TMEM255A: variants seen among roughly 807,000 people sequenced by gnomAD.
The protein encoded by TMEM255A is transmembrane protein 255A, also known as family with sequence similarity 70, member A.
Under a neutral mutation model 23.5 loss-of-function variants are expected in TMEM255A, and 14 were observed. That is an observed-to-expected ratio of 0.60 (90% CI 0.39 to 0.93). The LOEUF is 0.93. TMEM255A is among the 40% of genes least tolerant of loss of function. The pLI, the probability that TMEM255A is intolerant of heterozygous loss-of-function variation, is 0.00. For missense variants in TMEM255A, 233 were observed against 261.7 expected, an observed-to-expected ratio of 0.89 and a Z score of 0.76; for synonymous variants, 104 against 100.3, an observed-to-expected ratio of 1.04 and a Z score of -0.22.
At chrX:120,270,092 A>G (rs1301774503) in intron 7 of TMEM255A, among the ~76,000 whole-genome samples, 1 of 111,477 alleles carries the variant, frequency 9.0e-6, no homozygotes, top group Non-Finnish European at 1.9e-5. Flanking sequence ...GAAGACAGTC[A>G]GGGGTAGAGG....
intron 8 of TMEM255A, among the ~76,000 whole-genome samples, chrX:120,263,684 C>T (rs184795234): frequency 1.5e-4 from 17 of 109,848 alleles, no homozygotes; most frequent in African/African-American, 5.3e-4. Flanking sequence ...CTCTGTTCTG[C>T]CCCTGGAAGC....
At chrX:120,296,862 A>G (rs782658800) in intron 2 of TMEM255A, among the ~76,000 whole-genome samples, 1 of 1,776 alleles carries the variant, frequency 5.6e-4, no homozygotes, top group Non-Finnish European at 8.5e-4. Context: ...TATAATATAT[A>G]ATATATTATA....
At chrX:120,253,790 C>T (rs782133769), downstream of TMEM255A, 8 of 1,211,704 alleles carry the variant, frequency 6.6e-6, no homozygotes, top group Non-Finnish European at 8.9e-6. Context: ...AGGTTAAAAG[C>T]ATCTCAGGTA....
intron 8 of TMEM255A, among the ~76,000 whole-genome samples, chrX:120,266,512 A>G (rs186465002): frequency 2.7e-5 from 3 of 111,980 alleles, no homozygotes; most frequent in East Asian, 2.8e-4. Flanking sequence ...TAGGATTTGA[A>G]TGAGGAATGA....
At chrX:120,261,215 C>T (rs187718466) in intron 8 of TMEM255A, among the ~76,000 whole-genome samples, 187 bp from the exon 9 acceptor site, 1 of 111,920 alleles carries the variant, frequency 8.9e-6, no homozygotes, top group East Asian at 2.8e-4. Flanking sequence ...CTACAAGCCA[C>T]CTGCAGAAAT....
In TMEM255A at chrX:120,276,980, G is replaced by C; in HGVS notation, c.580C>G (p.Leu194Val). ...DVSSCQDIIHLYHLLWSATIL... is the reference protein window; with the variant it reads ...DVSSCQDIIHVYHLLWSATIL... Reference sequence around the variant, plus strand: ...GTGGCAGACCAGAGCAGGTGGTAGAGGTGGATGATATCTTGGCAACTGCTG... The same window carrying C: ...GTGGCAGACCAGAGCAGGTGGTAGACGTGGATGATATCTTGGCAACTGCTG... Residue 194 changes from leucine to valine, a missense_variant, in exon 7 of 9, where the codon CTC (leucine) becomes GTC (valine). Transcript: ENST00000371369. 1 of 1,210,726 alleles carries C rather than the reference G, an allele frequency of 8.3e-7. No homozygotes were observed. The highest frequency in any genetic ancestry group is 1.1e-6 in the Non-Finnish European group (1 of 894,616).
At position 120,259,349 on chromosome X, in the gene TMEM255A, A is replaced by G. The variant is rs994545940; in HGVS notation, c.*1521T>C. ...GAACATTCATGATGCTGAAAGTTAA[A>G]CTGAATATCTTGCAAACATTTACTG... On this transcript the variant is annotated 3_prime_UTR_variant, in exon 9 of 9. Coordinates refer to ENST00000371369, the MANE Select transcript of TMEM255A (RefSeq NM_001104544.3). 8.9e-6 allele frequency: 1 copy of G among 112,581 alleles called. No homozygotes were observed. The highest frequency in any genetic ancestry group is 3.3e-5 in the African/African-American group (1 of 30,759). 9.3% of individuals were successfully genotyped at this position (112,581 alleles called of 1,213,427 possible). A position where few individuals can be genotyped will look rare whatever the true frequency, so the allele number is the denominator to read the frequency against.
chrX:120,286,550 A>G (rs1461462196), intron 5 of TMEM255A, among the ~76,000 whole-genome samples: 1 of 111,843 alleles, frequency 8.9e-6, no homozygotes, highest in Admixed American at 9.4e-5. Flanking sequence ...CATGGAACAT[A>G]AGGAGAGCTG....
At position 120,260,670 on chromosome X, in the gene TMEM255A, C is replaced by T; in HGVS notation, c.*200G>A. On this transcript the variant is annotated 3_prime_UTR_variant, in exon 9 of 9. Coordinates refer to ENST00000371369, the MANE Select transcript of TMEM255A (RefSeq NM_001104544.3). Reference sequence around the variant, plus strand: ...TCTTGCTTAGAGAATGTGAGCTGCCCTTCTGTGCTGCGTTCAGCCTGACCA... The same window carrying T: ...TCTTGCTTAGAGAATGTGAGCTGCCTTTCTGTGCTGCGTTCAGCCTGACCA... 2 of 459,520 alleles carry T rather than the reference C, an allele frequency of 4.4e-6. No homozygotes were observed. The highest frequency in any genetic ancestry group is 2.5e-5 in the African/African-American group (1 of 39,480). The allele number at this position is 459,520 out of a possible 1,213,427, so 37.9% of individuals were successfully genotyped here.
chrX:120,309,687 T>G (rs1021436879), intron 1 of TMEM255A, among the ~76,000 whole-genome samples: 2 of 111,717 alleles, frequency 1.8e-5, no homozygotes, highest in East Asian at 5.6e-4. Context: ...TCTCTCTCTC[T>G]CTCGCTCTCG....
At chrX:120,265,988 C>CAAAAAAAAAAAAAAAA (rs782107279) in intron 8 of TMEM255A, among the ~76,000 whole-genome samples, 1 of 68,733 alleles carries the variant, frequency 1.5e-5, no homozygotes, top group African/African-American at 6.0e-5. Context: ...ACAAAAGATA[C>CAAAAAAAAAAAAAAAA]AAAAAAAAAA....
chrX:120,292,738 C>T lies in TMEM255A; in HGVS notation c.264+1251G>A, dbSNP rs782265352. ...TGGTGCCACTCCACTCCAGCCTGGG[C>T]GACAGAGCAAGACTCCATCTCGAAA... On this transcript the variant is annotated intron_variant, in intron 3 of 8. Transcript: ENST00000371369. Among the ~76,000 whole-genome samples, 12 of 107,435 alleles carry T rather than the reference C, an allele frequency of 1.1e-4. 1 individual carries two copies. In the South Asian group the frequency reaches 2.1e-3, roughly 19 times the overall value. 93.3% of individuals were successfully genotyped at this position (107,435 alleles called of 115,157 possible).
intron 7 of TMEM255A, among the ~76,000 whole-genome samples, chrX:120,269,314 C>T (rs2057739369): frequency 8.9e-6 from 1 of 111,757 alleles, no homozygotes; most frequent in Admixed American, 9.5e-5. Context: ...TAGGACTGTG[C>T]TTTGTGCCAC....
intron 5 of TMEM255A, among the ~76,000 whole-genome samples, chrX:120,286,583 T>C (rs1309708534): frequency 1.8e-5 from 2 of 111,676 alleles, no homozygotes; most frequent in Non-Finnish European, 3.8e-5. Context: ...GAGAGACTCA[T>C]CTGTGCATGC....
downstream of TMEM255A, chrX:120,254,591 A>T (rs2057624493): frequency 3.6e-5 from 44 of 1,211,436 alleles, no homozygotes; most frequent in Non-Finnish European, 4.9e-5. Flanking sequence ...TAAAAATTTC[A>T]GATATAATTA....
intron 7 of TMEM255A, 147 bp downstream of exon 7, chrX:120,276,738 G>A: frequency 1.8e-6 from 1 of 548,400 alleles, no homozygotes. Flanking sequence ...CCTTCAACTT[G>A]AGACATTTGA....
At chrX:120,268,894 C>T in intron 7 of TMEM255A, among the ~76,000 whole-genome samples, 1 of 111,769 alleles carries the variant, frequency 8.9e-6, no homozygotes, top group South Asian at 3.7e-4. Context: ...ACTCAAAATG[C>T]AAAACATCAA....
intron 1 of TMEM255A, chrX:120,309,838 T>G (rs2058087996): frequency 8.9e-6 from 1 of 111,743 alleles, no homozygotes; most frequent in African/African-American, 3.3e-5. Context: ...GGCTCGGGAT[T>G]CGGACCAAGT....
At chrX:120,292,990 C>A (rs1488726521) in intron 3 of TMEM255A, among the ~76,000 whole-genome samples, 4 of 112,084 alleles carry the variant, frequency 3.6e-5, no homozygotes, top group Non-Finnish European at 7.5e-5. Context: ...TAATTTAAGC[C>A]TAAAGTGCAA....
Sources: allele counts gnomAD v4.1 joint callset (sites outside exome capture counted in the v4.1 genomes callset), GRCh38; gene constraint gnomAD v4.1.1; transcripts MANE v1.5; gene names NCBI Gene and HGNC (gene_info 2026-07-23, HGNC 2026-07-21).